The following DCX variants were observed in gnomAD, a reference collection of about 807,000 sequenced individuals.
The protein encoded by DCX is neuronal migration protein doublecortin.
In DCX, 4 loss-of-function variants were observed where a neutral mutation model predicts 20.9. The observed-to-expected ratio is 0.19, with a 90% CI of 0.09 to 0.44. The LOEUF (loss-of-function observed/expected upper bound fraction) is 0.44, where lower values mean the gene tolerates loss of function less well. Ranked by LOEUF, DCX falls within the 20% of genes least tolerant of loss-of-function variation. The pLI is 0.99. For synonymous variants in DCX, 103 were observed against 111.4 expected, an observed-to-expected ratio of 0.92 and a Z score of 0.47; for missense variants, 133 against 296.9, an observed-to-expected ratio of 0.45 and a Z score of 4.06.
intron 3 of DCX, among the ~76,000 whole-genome samples, chrX:111,350,147 C>T (rs1371911044): frequency 1.8e-5 from 2 of 111,370 alleles, no homozygotes; most frequent in Non-Finnish European, 3.8e-5. Context: ...TAGTGCTCCC[C>T]ATTGGCTAAA....
intron 3 of DCX, among the ~76,000 whole-genome samples, chrX:111,376,611 C>T (rs143808133): frequency 9.0e-6 from 1 of 111,412 alleles, no homozygotes; most frequent in Non-Finnish European, 1.9e-5. Flanking sequence ...TTCTTAAACA[C>T]GAGTTTGCAT....
chrX:111,389,696 C>T lies in DCX; in HGVS notation c.705+11294G>A, dbSNP rs193025181. On this transcript the variant is annotated intron_variant, in intron 3 of 6. Coordinates refer to ENST00000636035, the MANE Select transcript of DCX (RefSeq NM_001195553.2). ...TCATGCCACTGCACTCCAGCCTGGG[C>T]GACAGAGCAAGATTCTGTCAATACA... Among the ~76,000 whole-genome samples the T allele has an allele frequency of 3.5e-3, 387 of 111,393 alleles. 3 individuals carry two copies. The highest frequency in any genetic ancestry group is 0.012 in the African/African-American group (362 of 30,652).
At chrX:111,351,749 T>G (rs943231766) in intron 3 of DCX, among the ~76,000 whole-genome samples, 2 of 112,100 alleles carry the variant, frequency 1.8e-5, no homozygotes, top group African/African-American at 6.5e-5. Context: ...CTTTCAGAAT[T>G]CACAGCTTCT....
chrX:111,321,523 T>A (rs2095086455), intron 5 of DCX, among the ~76,000 whole-genome samples: 1 of 111,260 alleles, frequency 9.0e-6, no homozygotes, highest in Non-Finnish European at 1.9e-5. Flanking sequence ...TTTACAGAGA[T>A]TTAAATATAT....
chrX:111,381,704 G>A (rs147838270), intron 3 of DCX, among the ~76,000 whole-genome samples: 3,345 of 111,019 alleles, frequency 0.03, 141 homozygotes, highest in African/African-American at 0.1. Flanking sequence ...CTATTAAGAC[G>A]TAACTCCCAG....
chrX:111,334,317 A>C (rs1921526129), intron 3 of DCX, among the ~76,000 whole-genome samples: 1 of 112,068 alleles, frequency 8.9e-6, no homozygotes, highest in African/African-American at 3.2e-5. Context: ...CCCAGAGAAG[A>C]GAAGGTGACT....
intron 3 of DCX, among the ~76,000 whole-genome samples, chrX:111,384,420 C>T (rs1233193669): frequency 9.0e-6 from 1 of 111,241 alleles, no homozygotes; most frequent in Non-Finnish European, 1.9e-5. Context: ...TATCTATGAA[C>T]ATGATAATGC....
intron 3 of DCX, among the ~76,000 whole-genome samples, chrX:111,356,040 T>C (rs1046362820): frequency 2.7e-5 from 3 of 111,873 alleles, no homozygotes; most frequent in African/African-American, 9.7e-5. Context: ...GACAAGGAAA[T>C]GTTGTCCTAA....
intron 2 of DCX, among the ~76,000 whole-genome samples, chrX:111,407,987 G>C (rs1486280889): frequency 2.7e-5 from 3 of 111,464 alleles, no homozygotes; most frequent in Non-Finnish European, 5.6e-5. Context: ...TGTCTATTGT[G>C]GTCTTTAGAA....
chrX:111,332,100 G>A (rs1257705617), intron 4 of DCX, among the ~76,000 whole-genome samples: 2 of 112,450 alleles, frequency 1.8e-5, no homozygotes, highest in Non-Finnish European at 3.8e-5. Context: ...GATTAGAGGA[G>A]CTTTTCTGGT....
chrX:111,308,238 T>C (rs1472612143), intron 6 of DCX, among the ~76,000 whole-genome samples: 1 of 112,042 alleles, frequency 8.9e-6, no homozygotes, highest in Non-Finnish European at 1.9e-5. Context: ...TTGTAACAAA[T>C]ACAGCTGTGC....
At chrX:111,321,389 T>C (rs184198742) in intron 5 of DCX, among the ~76,000 whole-genome samples, 1 of 112,032 alleles carries the variant, frequency 8.9e-6, no homozygotes, top group Admixed American at 9.5e-5. Context: ...TCTGAATGAT[T>C]ATGCCTGTTC....
At chrX:111,302,387 A>T (rs2095036053) in intron 6 of DCX, among the ~76,000 whole-genome samples, 1 of 112,123 alleles carries the variant, frequency 8.9e-6, no homozygotes, top group African/African-American at 3.2e-5. Context: ...GGGCTATTGC[A>T]AATAAAGCTG....
intron 3 of DCX, among the ~76,000 whole-genome samples, chrX:111,336,600 G>A (rs868121652): frequency 7.1e-5 from 8 of 112,130 alleles, no homozygotes; most frequent in Non-Finnish European, 1.1e-4. Context: ...AACTCAAAGC[G>A]CAGAGAGTCA....
chrX:111,316,522 G>T (rs768609346), intron 5 of DCX, among the ~76,000 whole-genome samples: 5 of 111,232 alleles, frequency 4.5e-5, no homozygotes, highest in Non-Finnish European at 7.5e-5. Context: ...GAGCCACTTC[G>T]CCTGGCCCCT....
intron 3 of DCX, among the ~76,000 whole-genome samples, chrX:111,336,538 A>G (rs1251385077): frequency 8.9e-6 from 1 of 112,120 alleles, no homozygotes; most frequent in Non-Finnish European, 1.9e-5. Flanking sequence ...GCAGCCCCCC[A>G]TCTTTGTTAC....
intron 3 of DCX, among the ~76,000 whole-genome samples, chrX:111,357,390 T>C (rs1923819442): frequency 8.9e-6 from 1 of 111,992 alleles, no homozygotes; most frequent in East Asian, 2.8e-4. Context: ...TTGGCTACCT[T>C]TGGGGAGAAG....
At chrX:111,356,949 A>G (rs1313196653) in intron 3 of DCX, among the ~76,000 whole-genome samples, 1 of 112,138 alleles carries the variant, frequency 8.9e-6, no homozygotes, top group East Asian at 2.8e-4. Flanking sequence ...AAAGCTGATA[A>G]CAAAAGAAAG....
At chrX:111,369,371 T>C (rs1924895334) in intron 3 of DCX, among the ~76,000 whole-genome samples, 1 of 111,816 alleles carries the variant, frequency 8.9e-6, no homozygotes, top group South Asian at 3.7e-4. Context: ...CCATGGATTT[T>C]AGTATATTCT....
Sources: gnomAD v4.1 joint callset for allele counts (sites outside exome capture counted in the v4.1 genomes callset) on GRCh38, gnomAD v4.1.1 for gene constraint, MANE v1.5 for transcripts, NCBI Gene and HGNC (gene_info 2026-07-23, HGNC 2026-07-21) for gene names.